The following MIPOL1 variants were observed in gnomAD, a reference collection of about 807,000 sequenced individuals.
MIPOL1 encodes the protein mirror-image polydactyly gene 1 protein.
In MIPOL1, 57 loss-of-function variants were observed where a neutral mutation model predicts 60.9. That is an observed-to-expected ratio of 0.94 (90% CI 0.76 to 1.17). MIPOL1 has a LOEUF of 1.17. MIPOL1 is among the 50% of genes most tolerant of loss of function. The pLI, the probability that MIPOL1 is intolerant of heterozygous loss-of-function variation, is 0.00. For synonymous variants in MIPOL1, 179 were observed against 168.8 expected (o/e 1.06, Z -0.47); for missense variants, 551 against 511.6 (o/e 1.08, Z -0.74).
At chr14:37,337,356 ATTTTTTT>A (rs33972471) in intron 9 of MIPOL1, among the ~76,000 whole-genome samples, 266 of 29,270 alleles carry the variant, frequency 9.1e-3, no homozygotes, top group Admixed American at 0.013. Context: ...ATATATATAT[ATTTTTTT>A]TTTTTTTTTT....
rs1159907200 is a variant in MIPOL1 at position 37,495,624 on chromosome 14, A to G, written c.1032-4284A>G. On this transcript the variant is annotated intron_variant, in intron 11 of 12. Transcript: ENST00000684589. ...ATGTGTCTTTATAGCAGCATGATTT[A>G]TAGTCCTTTGGGTATATACCCAGTA... 5.1e-5 allele frequency among the ~76,000 whole-genome samples: 7 copies of G among 136,394 alleles called. No individual in the cohort carries two copies. The East Asian group carries it at 6.7e-4, about 13-fold the overall frequency. The allele number at this position is 136,394 out of a possible 152,430, so 89.5% of individuals were successfully genotyped here. A position where few individuals can be genotyped will look rare whatever the true frequency, so the allele number is the denominator to read the frequency against.
At chr14:37,278,675 A>C (rs969515256) in intron 6 of MIPOL1, 10 of 151,840 alleles carry the variant, frequency 6.6e-5, no homozygotes, top group African/African-American at 2.4e-4. Context: ...TTTTCCTGTG[A>C]AATGTCTATC....
At chr14:37,533,802 C>T (rs934959785) in intron 12 of MIPOL1, among the ~76,000 whole-genome samples, 1 of 152,156 alleles carries the variant, frequency 6.6e-6, no homozygotes, top group South Asian at 2.1e-4. Context: ...ATAGAAGATG[C>T]ATAAGCAGTC....
intron 9 of MIPOL1, among the ~76,000 whole-genome samples, chr14:37,356,375 G>T: frequency 6.6e-6 from 1 of 151,986 alleles, no homozygotes. Context: ...TCTGTGCCCT[G>T]CCCCCAGAGG....
chr14:37,368,566 G>A (rs995597168), intron 9 of MIPOL1, among the ~76,000 whole-genome samples: 11 of 151,990 alleles, frequency 7.2e-5, no homozygotes, highest in African/African-American at 2.7e-4. Flanking sequence ...AAATCAGTAT[G>A]TGTCCTTATT....
intron 6 of MIPOL1, among the ~76,000 whole-genome samples, chr14:37,284,836 C>T (rs2084417227): frequency 6.6e-6 from 1 of 152,142 alleles, no homozygotes; most frequent in Non-Finnish European, 1.5e-5. Context: ...TGTTGATGGA[C>T]ATTTGGGTTA....
chr14:37,420,102 A>C (rs1260536616), intron 10 of MIPOL1, among the ~76,000 whole-genome samples: 1 of 152,040 alleles, frequency 6.6e-6, no homozygotes, highest in Non-Finnish European at 1.5e-5. Context: ...TTTTGAAAAA[A>C]AAAAAAGCAA....
rs1418662540 is a variant in MIPOL1, at chr14:37,381,243, T to C, written c.936+11619T>C. Among the ~76,000 whole-genome samples the C allele has an allele frequency of 2.6e-5, 4 of 152,072 alleles. No individual in the cohort carries two copies. The East Asian group carries it at 7.7e-4, about 29-fold the overall frequency. ...TTCATTACTATCTTCCTCCTTACCTTCTACTCTCATTGGTGATAGTGGAAG... is the reference window on the plus strand; with the variant it reads ...TTCATTACTATCTTCCTCCTTACCTCCTACTCTCATTGGTGATAGTGGAAG... On this transcript the variant is annotated intron_variant, in intron 10 of 12. Transcript: ENST00000684589.
chr14:37,237,452 CTG>C (rs888848068), intron 1 of MIPOL1, among the ~76,000 whole-genome samples: 2 of 151,888 alleles, frequency 1.3e-5, no homozygotes, highest in African/African-American at 4.8e-5. Flanking sequence ...TTTTTGGTTG[CTG>C]TAAACCTTTG....
intron 12 of MIPOL1, among the ~76,000 whole-genome samples, chr14:37,511,145 G>C (rs1285858486): frequency 6.6e-6 from 1 of 152,052 alleles, no homozygotes; most frequent in Non-Finnish European, 1.5e-5. Flanking sequence ...AGAAAGACAA[G>C]TTGTACAGGA....
At chr14:37,223,159 A>C (rs1252228146) in intron 1 of MIPOL1, among the ~76,000 whole-genome samples, 2 of 151,866 alleles carry the variant, frequency 1.3e-5, no homozygotes, top group African/African-American at 2.4e-5. Context: ...CAGTCTCCCA[A>C]GTAGCTGGGA....
chr14:37,451,808 C>CTCTTTTTTTTTTTTTTTTT (rs1418256414), intron 11 of MIPOL1, among the ~76,000 whole-genome samples: 1 of 84,574 alleles, frequency 1.2e-5, no homozygotes, highest in African/African-American at 6.3e-5. Context: ...TTTATTCTCT[C>CTCTTTTTTTTTTTTTTTTT]TTTTTTTTTT....
At chr14:37,468,078 C>T (rs11156955) in intron 11 of MIPOL1, among the ~76,000 whole-genome samples, 149,503 of 150,544 alleles carry the variant, frequency 0.99, 74,243 homozygotes, top group Middle Eastern at 1. Context: ...AAAGAGAGAT[C>T]AGAGATTTTG....
intron 1 of MIPOL1, among the ~76,000 whole-genome samples, chr14:37,217,823 C>G (rs961968992): frequency 2.6e-5 from 4 of 152,134 alleles, no homozygotes; most frequent in African/African-American, 9.7e-5. Flanking sequence ...CCTCTGAAAT[C>G]TGGAACATGA....
chr14:37,292,923 C>G (rs889236366), intron 7 of MIPOL1, among the ~76,000 whole-genome samples: 6 of 152,134 alleles, frequency 3.9e-5, no homozygotes, highest in Admixed American at 3.3e-4. Flanking sequence ...GGACTGTATG[C>G]TCCTTTTGCT....
At chr14:37,523,767 T>C (rs2095429168) in intron 12 of MIPOL1, among the ~76,000 whole-genome samples, 1 of 152,192 alleles carries the variant, frequency 6.6e-6, no homozygotes, top group South Asian at 2.1e-4. Context: ...AGAGACATAT[T>C]AAAATATTCA....
chr14:37,248,579 G>T (rs1973567260), intron 3 of MIPOL1, among the ~76,000 whole-genome samples: 1 of 151,842 alleles, frequency 6.6e-6, no homozygotes, highest in African/African-American at 2.4e-5. Context: ...ACAAGATATG[G>T]CTCTTTCAGA....
intron 3 of MIPOL1, among the ~76,000 whole-genome samples, chr14:37,259,720 G>A (rs564244656): frequency 5.9e-5 from 9 of 152,030 alleles, no homozygotes; most frequent in Non-Finnish European, 1.2e-4. Context: ...ATTTCTCAAA[G>A]CAATTTTTTA....
intron 9 of MIPOL1, among the ~76,000 whole-genome samples, chr14:37,319,677 TGAAGG>T (rs1160814594): frequency 2.6e-5 from 4 of 152,136 alleles, no homozygotes; most frequent in African/African-American, 9.7e-5. Flanking sequence ...GGGTATAACT[TGAAGG>T]GAAGTAATCT....
Sources: allele counts gnomAD v4.1 joint callset (sites outside exome capture counted in the v4.1 genomes callset), GRCh38; gene constraint gnomAD v4.1.1; transcripts MANE v1.5; gene names NCBI Gene and HGNC (gene_info 2026-07-23, HGNC 2026-07-21).